Variants in SGMS1 observed in about 807,000 individuals in gnomAD.
The protein encoded by SGMS1 is sphingomyelin synthase 1, also known as phosphatidylcholine:ceramide cholinephosphotransferase 1.
SGMS1 carries 13 observed loss-of-function variants against 46.2 expected under a neutral mutation model. The observed-to-expected ratio is 0.28, with a 90% CI of 0.18 to 0.45. The LOEUF (loss-of-function observed/expected upper bound fraction) is 0.45, where lower values mean the gene tolerates loss of function less well. Ranked by LOEUF, SGMS1 falls within the 20% of genes least tolerant of loss-of-function variation. The pLI is 1.00. For missense variants in SGMS1, 324 were observed against 519.9 expected (o/e 0.62, Z 3.66); for synonymous variants, 203 against 187.8 (o/e 1.08, Z -0.66).
chr10:50,457,459 G>A (rs1837206326), intron 5 of SGMS1, among the ~76,000 whole-genome samples: 1 of 151,820 alleles, frequency 6.6e-6, no homozygotes, highest in Non-Finnish European at 1.5e-5. Context: ...AGATATATGT[G>A]CAGGTTTGTT....
chr10:50,571,021 A>G (rs939364984), intron 2 of SGMS1, among the ~76,000 whole-genome samples: 1 of 152,232 alleles, frequency 6.6e-6, no homozygotes, highest in Non-Finnish European at 1.5e-5. Flanking sequence ...TCTACCCATG[A>G]TCCTTCTGGA....
intron 8 of SGMS1, among the ~76,000 whole-genome samples, chr10:50,311,752 A>C (rs559346505): frequency 6.6e-6 from 1 of 152,360 alleles, no homozygotes; most frequent in South Asian, 2.1e-4. Flanking sequence ...TAGTATAACT[A>C]TCATTTGGGA....
At chr10:50,417,494 A>G (rs1220409871) in intron 6 of SGMS1, among the ~76,000 whole-genome samples, 1 of 152,188 alleles carries the variant, frequency 6.6e-6, no homozygotes, top group Non-Finnish European at 1.5e-5. Flanking sequence ...AAATTCCACA[A>G]GAGCGATTAC....
Position 50,307,296 on chromosome 10 carries a change from T to A in SGMS1, c.1088A>T (p.Asn363Ile). The A allele has an allele frequency of 6.2e-7, 1 of 1,613,006 alleles. No homozygotes were observed. The highest frequency in any genetic ancestry group is 8.5e-7 in the Non-Finnish European group (1 of 1,179,488). ...GTACCACCACACCCTGGCCAGGAGG[T>A]TCATCTGGGAAGCTTCCTTTAGCAC... is the stretch of plus-strand genomic sequence containing the variant. The part of the protein sequence containing the change: ...QQVLKEASQM[N>I]LLARVWWYRP... Residue 363 changes from asparagine to isoleucine, a missense_variant, in exon 11 of 11, where the codon AAC becomes ATC. Transcript: ENST00000361781. The surrounding 1 kb of genome is among the most constrained non-coding windows in gnomAD (Gnocchi z 4.2).
chr10:50,458,339 C>CTTTTTTTTTTTTTTTTTTTTTT lies in SGMS1; in HGVS notation c.-313+2312_-313+2333dup, dbSNP rs750349777. On this transcript the variant is annotated intron_variant, in intron 5 of 10. Coordinates refer to ENST00000361781, the MANE Select transcript of SGMS1 (RefSeq NM_147156.4). The stretch of plus-strand genomic sequence containing the variant: ...TCTGGCTCTGCTATTTTCTTTTTCT[C>CTTTTTTTTTTTTTTTTTTTTTT]TTTTTTTTTTTTTTTTTTTTTTTTT... Among the ~76,000 whole-genome samples the CTTTTTTTTTTTTTTTTTTTTTT allele has an allele frequency of 1.3e-4, 13 of 97,140 alleles. 2 individuals carry two copies. Among genetic ancestry groups the CTTTTTTTTTTTTTTTTTTTTTT allele is most frequent in the South Asian group, 3.7e-4 (1 of 2,734 alleles). The allele number at this position is 97,140 out of a possible 152,430, so 63.7% of individuals were successfully genotyped here. A position where few individuals can be genotyped will look rare whatever the true frequency, so the allele number is the denominator to read the frequency against.
chr10:50,614,691 T>C (rs1012183945), intron 1 of SGMS1, among the ~76,000 whole-genome samples: 8 of 152,266 alleles, frequency 5.3e-5, no homozygotes, highest in Non-Finnish European at 1.2e-4. Flanking sequence ...CTTCACCTGA[T>C]AAACATCTGA....
chr10:50,621,743 T>C (rs994070683), intron 1 of SGMS1, among the ~76,000 whole-genome samples: 1 of 152,226 alleles, frequency 6.6e-6, no homozygotes, highest in African/African-American at 2.4e-5. Flanking sequence ...AAATGTATCT[T>C]ATTATTTTAC....
intron 3 of SGMS1, among the ~76,000 whole-genome samples, chr10:50,471,789 C>A (rs1217860404): frequency 1.3e-5 from 2 of 152,140 alleles, no homozygotes; most frequent in Non-Finnish European, 2.9e-5. Context: ...TAATGCCCTG[C>A]CTCCAGTAGA....
In SGMS1 at chr10:50,549,895, C is replaced by T. The variant is rs185289879; in HGVS notation, c.-588-29974G>A. On this transcript the variant is annotated intron_variant, in intron 2 of 10. Coordinates refer to ENST00000361781, the MANE Select transcript of SGMS1 (RefSeq NM_147156.4). Reference sequence around the variant, plus strand: ...GATTATTAATTCCATACAACCGAGGCTCAGCCAGAATTCCTCTCTGCCATC... The same window carrying T: ...GATTATTAATTCCATACAACCGAGGTTCAGCCAGAATTCCTCTCTGCCATC... Among the ~76,000 whole-genome samples, 7 of 152,302 alleles carry T rather than the reference C, an allele frequency of 4.6e-5. No homozygotes were observed. In the East Asian group the frequency reaches 1.3e-3, roughly 29 times the overall value.
At chr10:50,618,833 A>G (rs1432134116) in intron 1 of SGMS1, among the ~76,000 whole-genome samples, 16 of 152,184 alleles carry the variant, frequency 1.1e-4, no homozygotes. Context: ...AGAATCTCCA[A>G]CCTGGGCATG....
chr10:50,335,316 A>G (rs1413960802), intron 7 of SGMS1: 1 of 152,356 alleles, frequency 6.6e-6, no homozygotes, highest in East Asian at 1.9e-4. Context: ...AACCCAACAC[A>G]TTTGGGCTGA....
chr10:50,578,793 A>G (rs896281470), intron 2 of SGMS1, among the ~76,000 whole-genome samples: 1 of 152,160 alleles, frequency 6.6e-6, no homozygotes, highest in African/African-American at 2.4e-5. Flanking sequence ...CAACACCACA[A>G]AATTATTTCT....
intron 6 of SGMS1, among the ~76,000 whole-genome samples, chr10:50,421,077 A>G (rs1463394508): frequency 6.6e-6 from 1 of 152,242 alleles, no homozygotes; most frequent in Non-Finnish European, 1.5e-5. Context: ...AGAGAACAGG[A>G]TAACTGGTTC....
chr10:50,376,775 T>C (rs922101642), intron 6 of SGMS1, among the ~76,000 whole-genome samples: 5 of 152,226 alleles, frequency 3.3e-5, no homozygotes, highest in Non-Finnish European at 7.3e-5. Flanking sequence ...TCTTTTCTTG[T>C]GGCTGCATAG....
At chr10:50,320,923 T>C (rs1213220943) in intron 8 of SGMS1, among the ~76,000 whole-genome samples, 1 of 152,200 alleles carries the variant, frequency 6.6e-6, no homozygotes, top group Non-Finnish European at 1.5e-5. Context: ...GAGGGGGATC[T>C]GGGGATTACA....
At chr10:50,576,544 C>T (rs551326241) in intron 2 of SGMS1, among the ~76,000 whole-genome samples, 48 of 152,320 alleles carry the variant, frequency 3.2e-4, no homozygotes, top group African/African-American at 1.2e-3. Context: ...TAGAATATTT[C>T]ATTCATGCTC....
intron 6 of SGMS1, among the ~76,000 whole-genome samples, chr10:50,387,195 C>T (rs1375289643): frequency 6.6e-6 from 1 of 152,204 alleles, no homozygotes; most frequent in Non-Finnish European, 1.5e-5. Flanking sequence ...CACCTGGAGA[C>T]AAATGCTGCC....
At chr10:50,574,639 T>C (rs2131863722) in intron 2 of SGMS1, among the ~76,000 whole-genome samples, 1 of 152,154 alleles carries the variant, frequency 6.6e-6, no homozygotes, top group East Asian at 1.9e-4. Flanking sequence ...TGTGGGTATA[T>C]ATCCAAAAGA....
chr10:50,568,405 C>T (rs927219819), intron 2 of SGMS1, among the ~76,000 whole-genome samples: 2 of 152,176 alleles, frequency 1.3e-5, no homozygotes, highest in African/African-American at 4.8e-5. Flanking sequence ...AGGGAGCCAC[C>T]AGCGTCCCTT....
Sources: allele counts gnomAD v4.1 joint callset (sites outside exome capture counted in the v4.1 genomes callset), GRCh38; gene constraint gnomAD v4.1.1; non-coding constraint Gnocchi (gnomAD v3.1); transcripts MANE v1.5; gene names NCBI Gene and HGNC (gene_info 2026-07-23, HGNC 2026-07-21).